The following SYT9 variants were observed in gnomAD, a reference collection of about 807,000 sequenced individuals.
The protein encoded by SYT9 is synaptotagmin 9.
A neutral mutation model predicts 48.4 loss-of-function variants in SYT9; 22 were observed. The observed-to-expected ratio is 0.45, with a 90% confidence interval of 0.32 to 0.65. SYT9 has a LOEUF of 0.65. SYT9 is among the 30% of genes least tolerant of loss of function. The pLI, the probability that SYT9 is intolerant of heterozygous loss-of-function variation, is 0.03. For missense variants in SYT9, 577 were observed against 622.0 expected, an observed-to-expected ratio of 0.93 and a Z score of 0.77; for synonymous variants, 265 against 245.0, an observed-to-expected ratio of 1.08 and a Z score of -0.76.
intron 6 of SYT9, among the ~76,000 whole-genome samples, chr11:7,426,057 T>A (rs1461286455): frequency 6.6e-6 from 1 of 152,230 alleles, no homozygotes; most frequent in East Asian, 1.9e-4. Context: ...TTTATCTTGC[T>A]AATTAGTAGT....
intron 1 of SYT9, among the ~76,000 whole-genome samples, chr11:7,293,681 A>G (rs1848734000): frequency 6.6e-6 from 1 of 152,198 alleles, no homozygotes; most frequent in Non-Finnish European, 1.5e-5. Context: ...GTTGTGATAG[A>G]GGAAGATCAC....
At chr11:7,330,820 C>G (rs1849514322) in intron 3 of SYT9, among the ~76,000 whole-genome samples, 1 of 152,270 alleles carries the variant, frequency 6.6e-6, no homozygotes, top group South Asian at 2.1e-4. Context: ...CCTCAGCCTC[C>G]TGAGTAGCTG....
intron 3 of SYT9, among the ~76,000 whole-genome samples, chr11:7,349,450 A>C (rs1378736696): frequency 6.6e-6 from 1 of 151,974 alleles, no homozygotes; most frequent in African/African-American, 2.4e-5. Flanking sequence ...ACTTGGAGAC[A>C]ACAGAGAAAG....
intron 3 of SYT9, among the ~76,000 whole-genome samples, chr11:7,362,507 A>G (rs1850160406): frequency 6.6e-6 from 1 of 152,202 alleles, no homozygotes; most frequent in Admixed American, 6.5e-5. Context: ...AGAGTCTAGA[A>G]AAATGAATAT....
chr11:7,313,496 C>T lies in SYT9; in HGVS notation c.599C>T (p.Pro200Leu), dbSNP rs770856520. ...EQLTGIGRIKPELYKQRSLDN... is the reference protein window; with the variant it reads ...EQLTGIGRIKLELYKQRSLDN... ...TTGACTGGAATTGGTAGAATTAAAC[C>T]AGAGTTATATAAGCAGAGGTCATTG... The change falls in exon 3 of 7, where the codon CCA (proline) becomes CTA (leucine). Residue 200 changes from proline to leucine, a missense_variant. Transcript: ENST00000318881. The T allele has an allele frequency of 3.7e-6, 6 of 1,614,058 alleles. No individual in the cohort carries two copies. The African/African-American group carries it at 4.0e-5, about 11-fold the overall frequency.
chr11:7,359,627 T>C (rs1173372706), intron 3 of SYT9, among the ~76,000 whole-genome samples: 1 of 110,968 alleles, frequency 9.0e-6, no homozygotes, highest in African/African-American at 3.0e-5. Flanking sequence ...TTTCATGTGT[T>C]TTTTGGCTGC....
At chr11:7,314,210 G>A (rs1481859878) in intron 3 of SYT9, 1 of 577,958 alleles carries the variant, frequency 1.7e-6, no homozygotes, top group Admixed American at 2.2e-5. Flanking sequence ...CTAAGAGACA[G>A]CAGGTGTTAT....
At chr11:7,433,295 T>C (rs761593686) in intron 6 of SYT9, among the ~76,000 whole-genome samples, 8 of 152,208 alleles carry the variant, frequency 5.3e-5, no homozygotes, top group Non-Finnish European at 1.0e-4. Flanking sequence ...TTATAAATTA[T>C]CCAGTCTTGG....
At chr11:7,298,293 C>T (rs1286997087) in intron 1 of SYT9, among the ~76,000 whole-genome samples, 1 of 152,136 alleles carries the variant, frequency 6.6e-6, no homozygotes, top group East Asian at 1.9e-4. Flanking sequence ...TCACCAATCA[C>T]ATTATTTTAC....
chr11:7,365,543 C>T (rs1194455210), intron 3 of SYT9, among the ~76,000 whole-genome samples: 1 of 152,114 alleles, frequency 6.6e-6, no homozygotes, highest in Non-Finnish European at 1.5e-5. Flanking sequence ...TTTCGTTTGT[C>T]TTTGCTCACC....
chr11:7,252,118 T>C lies in SYT9; in HGVS notation c.-69T>C, dbSNP rs1183264130. On this transcript the variant is annotated 5_prime_UTR_variant, in exon 1 of 7. Coordinates refer to ENST00000318881, the MANE Select transcript of SYT9 (RefSeq NM_175733.4). The surrounding 1 kb of genome is among the most constrained non-coding windows in gnomAD (Gnocchi z 6.3). ...GCGGACGGCCCGGAGGCGGCGGCTC[T>C]GAGCTGGCAGGCGGAGGGCTGTCTC... 6.8e-6 allele frequency: 9 copies of C among 1,333,202 alleles called. No individual in the cohort carries two copies. Among genetic ancestry groups the C allele is most frequent in the Non-Finnish European group, 6.7e-6 (7 of 1,045,722 alleles). The allele number at this position is 1,333,202 out of a possible 1,614,324, so 82.6% of individuals were successfully genotyped here. A position where few individuals can be genotyped will look rare whatever the true frequency, so the allele number is the denominator to read the frequency against.
At chr11:7,273,060 A>G (rs1040079946) in intron 1 of SYT9, among the ~76,000 whole-genome samples, 3 of 152,182 alleles carry the variant, frequency 2.0e-5, no homozygotes, top group African/African-American at 7.2e-5. Flanking sequence ...CTATCTTATG[A>G]TAGAATCTAT....
chr11:7,349,629 C>T lies in SYT9; in HGVS notation c.1044+35688C>T, dbSNP rs183728282. On this transcript the variant is annotated intron_variant, in intron 3 of 6. Coordinates refer to ENST00000318881, the MANE Select transcript of SYT9 (RefSeq NM_175733.4). ...GAGCCCAGGCCTATCACCCTACCAA[C>T]GTCTGTCCCAACAAATCCATGCACA... Among the ~76,000 whole-genome samples the T allele has an allele frequency of 5.3e-5, 8 of 152,324 alleles. No homozygotes were observed. In the East Asian group the frequency reaches 1.5e-3, roughly 29 times the overall value.
intron 3 of SYT9, among the ~76,000 whole-genome samples, chr11:7,389,925 A>G (rs1850731329): frequency 1.3e-5 from 2 of 152,238 alleles, no homozygotes; most frequent in Admixed American, 1.3e-4. Flanking sequence ...TCTGAAATAC[A>G]ATAATTTTAA....
intron 6 of SYT9, among the ~76,000 whole-genome samples, chr11:7,449,777 C>T (rs1265611812): frequency 6.6e-6 from 1 of 152,116 alleles, no homozygotes; most frequent in Non-Finnish European, 1.5e-5. Context: ...CAGCTGTTCT[C>T]CTAGAGTTGT....
Position 7,252,319 on chromosome 11 carries a change from C to T in SYT9, c.133C>T (p.Leu45Phe), listed in dbSNP as rs751034956. Reference protein sequence around the residue: ...YHLRDRARPRLRDPDISVSLL... With the variant: ...YHLRDRARPRFRDPDISVSLL... The stretch of plus-strand genomic sequence containing the variant: ...CCTGCGGGACCGTGCCAGACCCCGG[C>T]TCCGCGACCCAGGTGAGTGCCGCCA... The change falls in exon 1 of 7, where the codon CTC (leucine) becomes TTC (phenylalanine). Residue 45 changes from leucine (L) to phenylalanine (F), a missense_variant. Leu to Phe is a conservative substitution (Grantham distance 22). Coordinates refer to ENST00000318881, the MANE Select transcript of SYT9 (RefSeq NM_175733.4). The surrounding 1 kb of genome is among the most constrained non-coding windows in gnomAD (Gnocchi z 6.3). The T allele has an allele frequency of 2.7e-6, 4 of 1,493,622 alleles. No individual in the cohort carries two copies. The South Asian group carries it at 3.9e-5, about 15-fold the overall frequency. The allele number at this position is 1,493,622 out of a possible 1,614,324, so 92.5% of individuals were successfully genotyped here.
At chr11:7,307,019 A>G (rs1849045155) in intron 2 of SYT9, among the ~76,000 whole-genome samples, 1 of 152,244 alleles carries the variant, frequency 6.6e-6, no homozygotes, top group Non-Finnish European at 1.5e-5. Context: ...ACAAAGGGCC[A>G]GAAGTATAAA....
chr11:7,289,793 G>A (rs999477574), intron 1 of SYT9, among the ~76,000 whole-genome samples: 1 of 152,144 alleles, frequency 6.6e-6, no homozygotes, highest in African/African-American at 2.4e-5. Flanking sequence ...TTGGTCATAT[G>A]GCATTGTTAA....
chr11:7,433,049 T>TCCCTCATGGCTTGGTGCTA (rs1449427130), intron 6 of SYT9, among the ~76,000 whole-genome samples: 1 of 152,164 alleles, frequency 6.6e-6, no homozygotes, highest in East Asian at 1.9e-4. Flanking sequence ...TTGGATAATA[T>TCCCTCATGGCTTGGTGCTA]CCCTCATGGC....
Sources: gnomAD v4.1 joint callset for allele counts (sites outside exome capture counted in the v4.1 genomes callset) on GRCh38, gnomAD v4.1.1 for gene constraint, Gnocchi (gnomAD v3.1) non-coding constraint, MANE v1.5 for transcripts, NCBI Gene and HGNC (gene_info 2026-07-23, HGNC 2026-07-21) for gene names.